Variants in RBFOX1 observed in about 807,000 individuals in gnomAD.
RBFOX1 encodes RNA binding protein fox-1 homolog 1.
A neutral mutation model predicts 57.7 loss-of-function variants in RBFOX1; 8 were observed. The observed-to-expected ratio is 0.14, with a 90% confidence interval of 0.08 to 0.25. RBFOX1 has a LOEUF of 0.25. Among genes scored for constraint, RBFOX1 ranks in the 10% least tolerant of loss-of-function variants. The probability of loss-of-function intolerance (pLI) is 1.00; values close to 1 mark genes in which losing one functional copy is unlikely to be tolerated. For synonymous variants in RBFOX1, 326 were observed against 222.4 expected, an observed-to-expected ratio of 1.47 and a Z score of -4.15; for missense variants, 611 against 548.5, an observed-to-expected ratio of 1.11 and a Z score of -1.14.
At chr16:6,667,533 A>T (rs2098740351) in intron 3 of RBFOX1, among the ~76,000 whole-genome samples, 1 of 152,046 alleles carries the variant, frequency 6.6e-6, no homozygotes, top group African/African-American at 2.4e-5. Flanking sequence ...GGACTCAATG[A>T]GCTCTTACAC....
In RBFOX1 at chr16:6,999,417, C is replaced by G. The variant is rs947225786; in HGVS notation, c.-15-52640C>G. ...CCAGAGTGATTTGGTGATACTTAAA[C>G]TCATTCTGATTTTTTTTAATTTTTA... On this transcript the variant is annotated intron_variant, in intron 3 of 15. Coordinates refer to ENST00000550418, the MANE Select transcript of RBFOX1 (RefSeq NM_018723.4). Among the ~76,000 whole-genome samples, 113 of 150,854 alleles carry G rather than the reference C, an allele frequency of 7.5e-4. 2 individuals carry two copies. Among genetic ancestry groups the G allele is most frequent in the Non-Finnish European group, 2.8e-4 (19 of 67,776 alleles).
intron 2 of RBFOX1, among the ~76,000 whole-genome samples, chr16:6,598,802 T>C (rs551685448): frequency 3.7e-4 from 57 of 152,030 alleles, no homozygotes; most frequent in African/African-American, 1.2e-3. Context: ...AAAAATTAGC[T>C]GGGCATGGTG....
intron 1 of RBFOX1, among the ~76,000 whole-genome samples, chr16:6,117,021 G>C (rs1352250563): frequency 6.6e-6 from 1 of 152,060 alleles, no homozygotes; most frequent in African/African-American, 2.4e-5. Flanking sequence ...TTCTGAATAG[G>C]GTGTGTGTCC....
chr16:6,589,958 A>T (rs533953583), intron 2 of RBFOX1, among the ~76,000 whole-genome samples: 1 of 152,204 alleles, frequency 6.6e-6, no homozygotes, highest in Non-Finnish European at 1.5e-5. Context: ...AAAAGAATCA[A>T]TAATGACCAC....
chr16:7,343,232 A>C (rs1406507958), intron 4 of RBFOX1, among the ~76,000 whole-genome samples: 2 of 152,200 alleles, frequency 1.3e-5, no homozygotes, highest in African/African-American at 4.8e-5. Flanking sequence ...GCCAGCCGTC[A>C]CTGGGCAGCT....
intron 4 of RBFOX1, among the ~76,000 whole-genome samples, chr16:7,235,151 T>A (rs776098847): frequency 6.6e-6 from 1 of 152,210 alleles, no homozygotes; most frequent in Non-Finnish European, 1.5e-5. Context: ...ACACTAATAA[T>A]AAACATTCAT....
chr16:6,618,031 A>T (rs1281774618), intron 2 of RBFOX1, among the ~76,000 whole-genome samples: 2 of 152,164 alleles, frequency 1.3e-5, no homozygotes, highest in Non-Finnish European at 2.9e-5. Flanking sequence ...CCTCATATGC[A>T]TGCAAGACTT....
intron 2 of RBFOX1, among the ~76,000 whole-genome samples, chr16:5,498,486 T>G (rs1442682703): frequency 6.6e-6 from 1 of 152,134 alleles, no homozygotes; most frequent in Non-Finnish European, 1.5e-5. Context: ...GTGTTTGTTT[T>G]TGTTCAGTTT....
chr16:6,743,061 A>G (rs917876555), intron 3 of RBFOX1, among the ~76,000 whole-genome samples: 4 of 152,168 alleles, frequency 2.6e-5, no homozygotes, highest in African/African-American at 9.6e-5. Context: ...GGGAAACAAT[A>G]CTTCTCTGTA....
intron 1 of RBFOX1, among the ~76,000 whole-genome samples, chr16:6,191,937 G>C (rs1454310068): frequency 3.3e-5 from 5 of 152,190 alleles, no homozygotes; most frequent in Non-Finnish European, 7.3e-5. Flanking sequence ...CAAGGGGTTA[G>C]TATCAGCCTT....
At chr16:6,602,428 C>G (rs935740186) in intron 2 of RBFOX1, among the ~76,000 whole-genome samples, 2 of 152,088 alleles carry the variant, frequency 1.3e-5, no homozygotes, top group Non-Finnish European at 1.5e-5. Context: ...GATGGTCTCT[C>G]TAGAGCAAGA....
intron 1 of RBFOX1, among the ~76,000 whole-genome samples, chr16:6,091,698 C>A (rs2096177142): frequency 6.6e-6 from 1 of 152,072 alleles, no homozygotes; most frequent in Non-Finnish European, 1.5e-5. Flanking sequence ...GGTGTGGTGT[C>A]AGGAGCCTGG....
At position 6,501,979 on chromosome 16, in the gene RBFOX1, T is replaced by G. The variant is rs558240618; in HGVS notation, c.-63-152624T>G. The stretch of plus-strand genomic sequence containing the variant: ...ATAAGATTTCTGCTTTTGTAAAGTT[T>G]ACATTCTTCTAGGGATCGTGTGTCC... On this transcript the variant is annotated intron_variant, in intron 2 of 15. Coordinates refer to ENST00000550418, the MANE Select transcript of RBFOX1 (RefSeq NM_018723.4). 1.1e-4 allele frequency among the ~76,000 whole-genome samples: 16 copies of G among 152,318 alleles called. No homozygotes were observed. The South Asian group carries it at 3.1e-3, about 30-fold the overall frequency.
In RBFOX1 at chr16:6,770,200, G is replaced by C. The variant is rs140971251; in HGVS notation, c.-16+115550G>C. The stretch of plus-strand genomic sequence containing the variant: ...TTGTATATATCCATTAGCAGTCATG[G>C]GTGAGAACTACAGAATTTTTTGGGT... On this transcript the variant is annotated intron_variant, in intron 3 of 15. Transcript: ENST00000550418. 3.4e-4 allele frequency among the ~76,000 whole-genome samples: 51 copies of C among 152,168 alleles called. No individual in the cohort carries two copies. In the East Asian group the frequency reaches 4.4e-3, roughly 13 times the overall value.
chr16:5,880,139 T>A (rs1448255085), intron 4 of RBFOX1, among the ~76,000 whole-genome samples: 4 of 152,224 alleles, frequency 2.6e-5, no homozygotes, highest in African/African-American at 9.6e-5. Context: ...GGCACTCTTT[T>A]ATGCACTTTG....
At chr16:6,556,395 A>G (rs192220237) in intron 2 of RBFOX1, among the ~76,000 whole-genome samples, 1 of 152,286 alleles carries the variant, frequency 6.6e-6, no homozygotes, top group South Asian at 2.1e-4. Flanking sequence ...GATGATGGCA[A>G]ATGTTGAATG....
At chr16:6,526,366 G>A (rs1176595761) in intron 2 of RBFOX1, among the ~76,000 whole-genome samples, 1 of 152,120 alleles carries the variant, frequency 6.6e-6, no homozygotes, top group African/African-American at 2.4e-5. Flanking sequence ...GTTGTGAAAG[G>A]CTCTGTTGTA....
intron 2 of RBFOX1, among the ~76,000 whole-genome samples, chr16:6,609,594 T>TA (rs2098009200): frequency 6.6e-6 from 1 of 151,846 alleles, no homozygotes; most frequent in African/African-American, 2.4e-5. Context: ...TTTCCTTAAT[T>TA]TAAAAAAAAA....
At chr16:5,485,924 A>G (rs1339291396) in intron 2 of RBFOX1, among the ~76,000 whole-genome samples, 1 of 152,196 alleles carries the variant, frequency 6.6e-6, no homozygotes, top group Non-Finnish European at 1.5e-5. Context: ...TGCAAAATGG[A>G]GATGATAATC....
Sources: allele counts gnomAD v4.1 joint callset (sites outside exome capture counted in the v4.1 genomes callset), GRCh38; gene constraint gnomAD v4.1.1; transcripts MANE v1.5; gene names NCBI Gene and HGNC (gene_info 2026-07-23, HGNC 2026-07-21).